Variants in RAB3C observed in about 807,000 individuals in gnomAD.
RAB3C encodes ras-related protein Rab-3C.
A neutral mutation model predicts 26.4 loss-of-function variants in RAB3C; 17 were observed. The ratio of observed to expected loss-of-function variants is 0.64; its 90% CI spans 0.44 to 0.97. The LOEUF is 0.97. Among genes scored for constraint, RAB3C ranks in the 50% least tolerant of loss-of-function variants. The probability of loss-of-function intolerance (pLI) is 0.00; values close to 1 mark genes in which losing one functional copy is unlikely to be tolerated. For synonymous variants in RAB3C, 91 were observed against 95.9 expected, an observed-to-expected ratio of 0.95 and a Z score of 0.30; for missense variants, 242 against 281.9, an observed-to-expected ratio of 0.86 and a Z score of 1.01.
intron 3 of RAB3C, among the ~76,000 whole-genome samples, chr5:58,800,761 C>A (rs1482532319): frequency 6.6e-6 from 1 of 152,150 alleles, no homozygotes; most frequent in Non-Finnish European, 1.5e-5. Context: ...GGAGACTGGA[C>A]AGAGTCAGGG....
At chr5:58,807,197 C>T (rs1459553255) in intron 3 of RAB3C, among the ~76,000 whole-genome samples, 1 of 152,166 alleles carries the variant, frequency 6.6e-6, no homozygotes, top group Non-Finnish European at 1.5e-5. Flanking sequence ...TTTAAAGCAG[C>T]AGGCAGCATA....
At chr5:58,788,492 T>G (rs1246284034) in intron 3 of RAB3C, 1 of 152,246 alleles carries the variant, frequency 6.6e-6, no homozygotes, top group Non-Finnish European at 1.5e-5. Flanking sequence ...TTTGCCTGTC[T>G]GATAGATTAT....
chr5:58,582,819 C>T (rs1264680843), upstream of RAB3C, among the ~76,000 whole-genome samples: 1 of 152,204 alleles, frequency 6.6e-6, no homozygotes, highest in African/African-American at 2.4e-5. Flanking sequence ...GGGTCACATT[C>T]GCCTGCCCCT....
intron 2 of RAB3C, among the ~76,000 whole-genome samples, chr5:58,624,028 T>C (rs942321331): frequency 1.3e-5 from 2 of 152,216 alleles, no homozygotes; most frequent in African/African-American, 4.8e-5. Flanking sequence ...AACCAGGCAC[T>C]CACAAATGTT....
intron 4 of RAB3C, among the ~76,000 whole-genome samples, chr5:58,827,746 G>C (rs149964719): frequency 4.6e-5 from 7 of 152,298 alleles, no homozygotes; most frequent in Non-Finnish European, 8.8e-5. Context: ...TTCTTGGAGA[G>C]TCATTTACCT....
At chr5:58,804,047 G>A (rs1742877310) in intron 3 of RAB3C, among the ~76,000 whole-genome samples, 3 of 134,872 alleles carry the variant, frequency 2.2e-5, no homozygotes, top group Non-Finnish European at 3.1e-5. Flanking sequence ...GTGACAGTGC[G>A]AGACTCTATC....
chr5:58,712,707 T>C (rs1749087602), intron 2 of RAB3C, among the ~76,000 whole-genome samples: 1 of 152,296 alleles, frequency 6.6e-6, no homozygotes, highest in East Asian at 1.9e-4. Flanking sequence ...GTATTTTTAG[T>C]AGAGACAGGG....
intron 3 of RAB3C, among the ~76,000 whole-genome samples, chr5:58,800,652 G>T (rs948492282): frequency 5.9e-5 from 9 of 152,150 alleles, no homozygotes; most frequent in African/African-American, 2.2e-4. Context: ...CACACGTGGA[G>T]GGTGAAGGGC....
chr5:58,673,447 T>TACACACACACAC (rs71604758), intron 2 of RAB3C, among the ~76,000 whole-genome samples: 6 of 146,042 alleles, frequency 4.1e-5, no homozygotes, highest in South Asian at 2.2e-4. Flanking sequence ...GAACTAGTTA[T>TACACACACACAC]ACACACACAC....
intron 2 of RAB3C, among the ~76,000 whole-genome samples, chr5:58,691,253 GCTGTGGGGGAATGTATAATGAAGTTTCTT>G (rs1748565019): frequency 1.3e-5 from 2 of 152,112 alleles, no homozygotes; most frequent in African/African-American, 4.8e-5. Context: ...TAGTCTTTAG[GCTGTGGGGGAATGTATAATGAAGTTTCTT>G]CTGCATTTGT....
At chr5:58,756,347 T>TA (rs1554051232) in intron 3 of RAB3C, among the ~76,000 whole-genome samples, 327 of 135,648 alleles carry the variant, frequency 2.4e-3, no homozygotes, top group African/African-American at 9.7e-3. Context: ...CATATATATG[T>TA]TATATATATA....
rs544887687 is a variant in RAB3C at position 58,636,597 on chromosome 5, C to T, written c.252+18727C>T. ...ATTTTATATCCACCAAATGCTTTCT[C>T]CAGTCTATTTTCAATTATGTTAATA... On this transcript the variant is annotated intron_variant, in intron 2 of 4. Coordinates refer to ENST00000282878, the MANE Select transcript of RAB3C (RefSeq NM_138453.4). 2.2e-4 allele frequency among the ~76,000 whole-genome samples: 34 copies of T among 152,298 alleles called. No individual in the cohort carries two copies. The South Asian group carries it at 5.8e-3, about 26-fold the overall frequency.
chr5:58,767,080 T>C lies in RAB3C; in HGVS notation c.371+40960T>C, dbSNP rs112276833. On this transcript the variant is annotated intron_variant, in intron 3 of 4. Coordinates refer to ENST00000282878, the MANE Select transcript of RAB3C (RefSeq NM_138453.4). The stretch of plus-strand genomic sequence containing the variant: ...TGAAAATCATCACCCTGTGGACAGA[T>C]CAGTGCCAGTACATGTGGTCTGGCA... 4.5e-3 allele frequency among the ~76,000 whole-genome samples: 682 copies of C among 152,254 alleles called. 9 individuals are homozygous for C. Among genetic ancestry groups the C allele is most frequent in the African/African-American group, 0.016 (659 of 41,546 alleles).
intron 3 of RAB3C, among the ~76,000 whole-genome samples, chr5:58,761,058 C>CTG (rs1741787040): frequency 4.5e-5 from 4 of 88,834 alleles, no homozygotes; most frequent in African/African-American, 1.5e-4. Flanking sequence ...CCCTCTCTCT[C>CTG]TCTCTCACAC....
intron 2 of RAB3C, among the ~76,000 whole-genome samples, chr5:58,658,999 C>T (rs1489761227): frequency 6.6e-6 from 1 of 152,144 alleles, no homozygotes; most frequent in Non-Finnish European, 1.5e-5. Flanking sequence ...ATAGCTGTCA[C>T]TTCTATGACA....
intron 4 of RAB3C, 150 bp downstream of exon 4, chr5:58,825,312 A>T: frequency 1.2e-6 from 1 of 838,554 alleles, no homozygotes; most frequent in Non-Finnish European, 1.7e-6. Context: ...TAAGTGGACA[A>T]TATATTTTCT....
At chr5:58,611,245 C>T (rs892350839) in intron 1 of RAB3C, among the ~76,000 whole-genome samples, 4 of 139,136 alleles carry the variant, frequency 2.9e-5, no homozygotes, top group African/African-American at 1.0e-4. Context: ...GGTATATACC[C>T]AGTGGTGAGA....
intron 3 of RAB3C, among the ~76,000 whole-genome samples, chr5:58,740,609 C>T (rs1159897506): frequency 3.3e-5 from 5 of 152,128 alleles, no homozygotes; most frequent in Non-Finnish European, 7.3e-5. Context: ...ATCACGAGGT[C>T]AAGAGATAAA....
At chr5:58,713,514 G>T (rs562507733) in intron 2 of RAB3C, among the ~76,000 whole-genome samples, 2 of 152,236 alleles carry the variant, frequency 1.3e-5, no homozygotes, top group East Asian at 3.9e-4. Context: ...TCAGAATCAG[G>T]GCAAGAACTG....
Sources: gnomAD v4.1 joint callset for allele counts (sites outside exome capture counted in the v4.1 genomes callset) on GRCh38, gnomAD v4.1.1 for gene constraint, MANE v1.5 for transcripts, NCBI Gene and HGNC (gene_info 2026-07-23, HGNC 2026-07-21) for gene names.